The following IBTK variants were observed in gnomAD, a reference collection of about 807,000 sequenced individuals.
The protein encoded by IBTK is inhibitor of Bruton tyrosine kinase, also known as BTK-binding protein.
IBTK carries 83 observed loss-of-function variants against 154.9 expected under a neutral mutation model. That is an observed-to-expected ratio of 0.54 (90% CI 0.45 to 0.64). IBTK has a LOEUF of 0.64. Among genes scored for constraint, IBTK ranks in the 30% least tolerant of loss-of-function variants. IBTK has a pLI of 0.00. For missense variants in IBTK, 1,332 were observed against 1,584.6 expected (o/e 0.84, Z 2.71); for synonymous variants, 515 against 536.1 (o/e 0.96, Z 0.54).
intron 16 of IBTK, chr6:82,210,492 C>T (rs922297059): frequency 3.9e-5 from 6 of 152,824 alleles, no homozygotes; most frequent in African/African-American, 1.4e-4. Flanking sequence ...TTTTTCTGCT[C>T]CTTTACTATT....
At position 82,214,537 on chromosome 6, in the gene IBTK, A is replaced by G; in HGVS notation, c.1894T>C (p.Leu632=). Reference sequence around the variant, plus strand: ...CAAGTATCTGTGTATATAAATTGTAAAAGGTATTCAAACATGTCAGGATGA... The same window carrying G: ...CAAGTATCTGTGTATATAAATTGTAGAAGGTATTCAAACATGTCAGGATGA... ...KVHPDMFEYL[L]QFIYTDTCDF... is the part of the protein sequence containing the mutation. The change falls in exon 12 of 29, where the codon TTA becomes CTA. Residue 632 remains leucine, a synonymous_variant. Coordinates refer to ENST00000306270, the MANE Select transcript of IBTK (RefSeq NM_015525.4). 12 of 1,614,078 alleles carry G rather than the reference A, an allele frequency of 7.4e-6. No homozygotes were observed. The highest frequency in any genetic ancestry group is 1.0e-5 in the Non-Finnish European group (12 of 1,179,978).
intron 26 of IBTK, among the ~76,000 whole-genome samples, chr6:82,176,711 T>C (rs150383108): frequency 4.6e-5 from 7 of 152,206 alleles, no homozygotes; most frequent in East Asian, 1.9e-4. Flanking sequence ...AACAACATTG[T>C]CATTCTTGCC....
chr6:82,244,193 G>A (rs1446299101), intron 1 of IBTK, among the ~76,000 whole-genome samples: 2 of 152,066 alleles, frequency 1.3e-5, no homozygotes, highest in African/African-American at 2.4e-5. Context: ...ATATGCATTC[G>A]ACAAATAATA....
chr6:82,237,632 C>CAGT, intron 2 of IBTK, among the ~76,000 whole-genome samples: 1 of 144,580 alleles, frequency 6.9e-6, no homozygotes, highest in East Asian at 2.1e-4. Context: ...GTAGTAGTAG[C>CAGT]AGTAGTAGTA....
intron 7 of IBTK, 70 bp from the exon 8 acceptor site, chr6:82,223,690 G>T: frequency 1.5e-6 from 2 of 1,318,744 alleles, no homozygotes; most frequent in Non-Finnish European, 2.1e-6. Context: ...CAAGCACAGT[G>T]TCTCATGCCT....
chr6:82,193,980 C>A (rs1416094523), intron 23 of IBTK, among the ~76,000 whole-genome samples: 2 of 152,042 alleles, frequency 1.3e-5, no homozygotes, highest in African/African-American at 4.8e-5. Flanking sequence ...CCATGCCCAG[C>A]CTTCATTTGA....
At position 82,231,740 on chromosome 6, in the gene IBTK, C is replaced by T; in HGVS notation, c.521G>A (p.Arg174Lys). 6.2e-7 allele frequency: 1 copy of T among 1,607,902 alleles called. No homozygotes were observed. ...TACCTGCTTGATATAAATCCCACTC[C>T]TGGAGAACAGATCCACCAACTCTGG... ...HHPELVDLFS[R>K]SGIYIKQVVL... is the part of the protein sequence containing the mutation. The change falls in exon 4 of 29, where the codon AGG becomes AAG. Residue 174 changes from arginine (R) to lysine (K), a missense_variant. This residue lies in a region of IBTK where 114 missense variants were observed against 213.7 expected (regional missense o/e 0.53). Transcript: ENST00000306270.
chr6:82,200,273 A>C lies in IBTK; in HGVS notation c.2913-20T>G. The stretch of plus-strand genomic sequence containing the variant: ...GTTTCCCTAGGAAAAAGCAAACATA[A>C]TTTCAGCAGTGTTTAGGGAGGTAAC... On this transcript the variant is annotated intron_variant, in intron 20 of 28. Coordinates refer to ENST00000306270, the MANE Select transcript of IBTK (RefSeq NM_015525.4). 1 of 1,548,648 alleles carries C rather than the reference A, an allele frequency of 6.5e-7. No homozygotes were observed. Among genetic ancestry groups the C allele is most frequent in the Admixed American group, 1.7e-5 (1 of 59,592 alleles).
chr6:82,199,636 C>G (rs1442413787), intron 21 of IBTK, among the ~76,000 whole-genome samples: 1 of 152,118 alleles, frequency 6.6e-6, no homozygotes, highest in Non-Finnish European at 1.5e-5. Flanking sequence ...AACCCCTATG[C>G]CACTGGAAAG....
rs1159227585 is a variant in IBTK at position 82,247,709 on chromosome 6, A to C, written c.-505T>G. The stretch of plus-strand genomic sequence containing the variant: ...CCGGGTCAGTTCGGCAGGCGGCTGC[A>C]ATACAGCCGCTACTACAGGAATCGG... On this transcript the variant is annotated 5_prime_UTR_variant, in exon 1 of 29. In the 5' UTR this introduces an upstream ATG that the reference lacks. Coordinates refer to ENST00000306270, the MANE Select transcript of IBTK (RefSeq NM_015525.4). The C allele has an allele frequency of 2.5e-6, 1 of 398,322 alleles. No individual in the cohort carries two copies. The highest frequency in any genetic ancestry group is 4.4e-6 in the Non-Finnish European group (1 of 226,024). 24.7% of individuals were successfully genotyped at this position (398,322 alleles called of 1,614,324 possible).
chr6:82,198,164 T>C (rs892149575), intron 21 of IBTK, among the ~76,000 whole-genome samples: 1 of 152,210 alleles, frequency 6.6e-6, no homozygotes, highest in African/African-American at 2.4e-5. Context: ...TCTAAGATTC[T>C]AACACATATG....
At chr6:82,191,647 G>A (rs1768773981) in intron 24 of IBTK, 140 bp downstream of exon 24, 1 of 712,108 alleles carries the variant, frequency 1.4e-6, no homozygotes, top group South Asian at 1.5e-5. Context: ...ATATTATGGA[G>A]GCTAAATTGC....
chr6:82,191,138 T>C lies in IBTK; in HGVS notation c.3510A>G (p.Ser1170=). Reference sequence around the variant, plus strand: ...AAACTGTTTCCATGCTATTCATTCCTGAATTGTTTTCCTTGGTAGTCAATG... The same window carrying C: ...AAACTGTTTCCATGCTATTCATTCCCGAATTGTTTTCCTTGGTAGTCAATG... The part of the protein sequence containing the change: ...MIALTTKENN[S]GMNSMETVLF... The change falls in exon 25 of 29, where the codon TCA becomes TCG. Residue 1170 remains serine, a synonymous_variant. Coordinates refer to ENST00000306270, the MANE Select transcript of IBTK (RefSeq NM_015525.4). 1.2e-6 allele frequency: 2 copies of C among 1,609,002 alleles called. No homozygotes were observed. The highest frequency in any genetic ancestry group is 1.7e-6 in the Non-Finnish European group (2 of 1,177,244).
At position 82,171,428 on chromosome 6, in the gene IBTK, G is replaced by C. The variant is rs138107539; in HGVS notation, c.4059C>G (p.Cys1353Trp). ...LAVPMWNKHG[C>W] ...TGCATCTCAACTCCACAGTGAACTAGCATCCATGCTTATTCCACATAGGTA... is the reference window on the plus strand; with the variant it reads ...TGCATCTCAACTCCACAGTGAACTACCATCCATGCTTATTCCACATAGGTA... The change falls in exon 29 of 29, where the codon TGC becomes TGG. Residue 1353 changes from cysteine to tryptophan, a missense_variant. By Grantham distance (215) the Cys-to-Trp change is radical. This residue lies in a region of IBTK where 1,134 missense variants were observed against 1,274.7 expected (regional missense o/e 0.89). Coordinates refer to ENST00000306270, the MANE Select transcript of IBTK (RefSeq NM_015525.4). 6.2e-7 allele frequency: 1 copy of C among 1,611,090 alleles called. No individual in the cohort carries two copies. Among genetic ancestry groups the C allele is most frequent in the Non-Finnish European group, 8.5e-7 (1 of 1,178,954 alleles).
At chr6:82,206,772 G>A (rs566316840) in intron 16 of IBTK, among the ~76,000 whole-genome samples, 36 of 151,984 alleles carry the variant, frequency 2.4e-4, no homozygotes, top group Non-Finnish European at 4.6e-4. Context: ...AATCCAAAAC[G>A]AAAGGATGAT....
intron 25 of IBTK, among the ~76,000 whole-genome samples, chr6:82,184,312 C>T (rs1371950134): frequency 2.6e-5 from 4 of 151,868 alleles, no homozygotes; most frequent in Non-Finnish European, 5.9e-5. Context: ...CAAAAGAAGC[C>T]CTGTAATTTT....
Position 82,173,433 on chromosome 6 carries a change from G to A in IBTK, c.3731C>T (p.Ser1244Phe). The change falls in exon 27 of 29, where the codon TCT (serine) becomes TTT (phenylalanine). Residue 1244 changes from serine to phenylalanine, a missense_variant. Transcript: ENST00000306270. Reference sequence around the variant, plus strand: ...TTCTGGTCCTGGGGTACCATGGGTAGAGCATCTGCAAAACAAATGCCAAAA... The same window carrying A: ...TTCTGGTCCTGGGGTACCATGGGTAAAGCATCTGCAAAACAAATGCCAAAA... ...NSQAPKIVRC[S>F]THGTPGPEGN... is the part of the protein sequence containing the mutation. 6.2e-7 allele frequency: 1 copy of A among 1,612,934 alleles called. No homozygotes were observed. The highest frequency in any genetic ancestry group is 8.5e-7 in the Non-Finnish European group (1 of 1,179,140).
chr6:82,181,253 T>C (rs948147540), intron 26 of IBTK, among the ~76,000 whole-genome samples: 3 of 151,804 alleles, frequency 2.0e-5, no homozygotes, highest in Non-Finnish European at 4.4e-5. Flanking sequence ...AATTAAAAAA[T>C]AGCTAGAGAA....
rs140070054 is a variant in IBTK at position 82,173,018 on chromosome 6, TTGAGACAGAGTCTCAC to T, written c.3797+333_3797+348del. On this transcript the variant is annotated intron_variant, in intron 27 of 28. Coordinates refer to ENST00000306270, the MANE Select transcript of IBTK (RefSeq NM_015525.4). ...TTATTCTCTTTTTTTTTTTTTTTTT[TTGAGACAGAGTCTCAC>T]TGTGTCGCCCCGGCTGGAGTACAGT... 9.3e-3 allele frequency: 922 copies of T among 99,344 alleles called. 9 individuals are homozygous for T. The highest frequency in any genetic ancestry group is 0.019 in the African/African-American group (535 of 28,314). The allele number at this position is 99,344 out of a possible 1,614,324, so 6.2% of individuals were successfully genotyped here. A position where few individuals can be genotyped will look rare whatever the true frequency, so the allele number is the denominator to read the frequency against.
Sources: allele counts gnomAD v4.1 joint callset (sites outside exome capture counted in the v4.1 genomes callset), GRCh38; gene constraint gnomAD v4.1.1; regional missense constraint gnomAD v4.1.1; transcripts MANE v1.5; gene names NCBI Gene and HGNC (gene_info 2026-07-23, HGNC 2026-07-21).